The following GNPDA2 variants were observed in gnomAD, a reference collection of about 807,000 sequenced individuals.
The protein encoded by GNPDA2 is glcN6P deaminase 2.
A neutral mutation model predicts 27.0 loss-of-function variants in GNPDA2; 24 were observed. The ratio of observed to expected loss-of-function variants is 0.89; its 90% CI spans 0.64 to 1.25. The LOEUF (loss-of-function observed/expected upper bound fraction) is 1.25. GNPDA2 is among the 50% of genes most tolerant of loss of function. The pLI, the probability that GNPDA2 is intolerant of heterozygous loss-of-function variation, is 0.00. For synonymous variants in GNPDA2, 94 were observed against 108.4 expected (o/e 0.87, Z 0.83); for missense variants, 286 against 335.1 (o/e 0.85, Z 1.14).
chr4:44,718,311 A>G lies in GNPDA2; in HGVS notation c.224T>C (p.Val75Ala). 8.7e-7 allele frequency: 1 copy of G among 1,149,372 alleles called. No individual in the cohort carries two copies. Among genetic ancestry groups the G allele is most frequent in the South Asian group, 1.5e-5 (1 of 68,542 alleles). The allele number at this position is 1,149,372 out of a possible 1,614,324, so 71.2% of individuals were successfully genotyped here. A position where few individuals can be genotyped will look rare whatever the true frequency, so the allele number is the denominator to read the frequency against. Reference sequence around the variant, plus strand: ...CAATATATTTAAGTATAGCTTACCTACATATTCATCCATATTAAAGGTCTT... The same window carrying G: ...CAATATATTTAAGTATAGCTTACCTGCATATTCATCCATATTAAAGGTCTT... ...YVKTFNMDEY[V>A]GLPRNHPESY... is the part of the protein sequence containing the mutation. The change falls in exon 3 of 7, where the codon GTA (valine) becomes GCA (alanine). Residue 75 changes from valine to alanine, a missense_variant and splice_region_variant. Physicochemically the swap from Val to Ala is moderately conservative, Grantham distance 64. Coordinates refer to ENST00000295448, the MANE Select transcript of GNPDA2 (RefSeq NM_138335.3).
intron 6 of GNPDA2, chr4:44,707,472 T>C: frequency 2.3e-6 from 1 of 427,622 alleles, no homozygotes; most frequent in Non-Finnish European, 4.1e-6. Flanking sequence ...TTTGGTCTTG[T>C]ATATTCAATA....
chr4:44,705,152 A>C (rs959139827), intron 6 of GNPDA2: 2 of 984,776 alleles, frequency 2.0e-6, no homozygotes, highest in Non-Finnish European at 2.4e-6. Flanking sequence ...GACAGAAGAA[A>C]GGGTAGTGAT....
chr4:44,719,492 G>A (rs1242694968), intron 2 of GNPDA2, among the ~76,000 whole-genome samples: 3 of 151,946 alleles, frequency 2.0e-5, no homozygotes, highest in Non-Finnish European at 4.4e-5. Context: ...TTTTCTAAAA[G>A]CTAAGCACAT....
intron 4 of GNPDA2, among the ~76,000 whole-genome samples, chr4:44,715,163 T>C (rs1717208651): frequency 6.6e-6 from 1 of 152,140 alleles, no homozygotes; most frequent in Non-Finnish European, 1.5e-5. Flanking sequence ...TTTAAAGTTA[T>C]AAGGAAAGAG....
intron 4 of GNPDA2, among the ~76,000 whole-genome samples, chr4:44,716,850 A>C (rs964919158): frequency 6.6e-6 from 1 of 151,904 alleles, no homozygotes; most frequent in African/African-American, 2.4e-5. Flanking sequence ...TAAAGAGGTA[A>C]TTAACAGAGT....
chr4:44,714,609 G>A, intron 4 of GNPDA2: 1 of 983,712 alleles, frequency 1.0e-6, no homozygotes, highest in African/African-American at 1.7e-5. Flanking sequence ...TAATAAAGCT[G>A]ATATTTTGAT....
In GNPDA2 at chr4:44,711,117, T is replaced by C; in HGVS notation, c.430A>G (p.Ile144Val). ...FVGGIGPDGH[I>V]AFNEPGSSLV... ...CTGGATCCAGGCTCATTGAAAGCGA[T>C]ATGACCATCTGGACCAATTCCTTTC... Residue 144 changes from isoleucine (I) to valine (V), a missense_variant, in exon 5 of 7, where the codon ATC becomes GTC. Physicochemically the swap from Ile to Val is conservative, Grantham distance 29 (BLOSUM62 3). Transcript: ENST00000295448. The C allele has an allele frequency of 6.2e-7, 1 of 1,602,896 alleles. No homozygotes were observed. Among genetic ancestry groups the C allele is most frequent in the Non-Finnish European group, 8.5e-7 (1 of 1,175,818 alleles).
At chr4:44,704,601 T>C in intron 6 of GNPDA2, 1 of 780,210 alleles carries the variant, frequency 1.3e-6, no homozygotes, top group Non-Finnish European at 1.6e-6. Context: ...AAGTCAAATA[T>C]TTACTGTGAC....
intron 2 of GNPDA2, among the ~76,000 whole-genome samples, chr4:44,719,260 G>A (rs767348058): frequency 1.3e-5 from 2 of 151,752 alleles, no homozygotes; most frequent in Non-Finnish European, 2.9e-5. Context: ...TTGGAGTACT[G>A]ATTCCTAGCT....
intron 2 of GNPDA2, among the ~76,000 whole-genome samples, chr4:44,720,632 G>A (rs1471585979): frequency 6.6e-6 from 1 of 152,104 alleles, no homozygotes; most frequent in Non-Finnish European, 1.5e-5. Context: ...TAATTACAAT[G>A]CAGCCTGGTA....
chr4:44,725,047 T>C (rs1370358926), intron 1 of GNPDA2, among the ~76,000 whole-genome samples: 1 of 152,042 alleles, frequency 6.6e-6, no homozygotes, highest in Admixed American at 6.6e-5. Flanking sequence ...AAAAATAAGG[T>C]AAGGAGGACG....
At chr4:44,723,606 C>T (rs1560365491) in intron 1 of GNPDA2, among the ~76,000 whole-genome samples, 1 of 152,130 alleles carries the variant, frequency 6.6e-6, no homozygotes, top group East Asian at 1.9e-4. Context: ...ATATATACCA[C>T]ATTTTCTTTA....
chr4:44,722,917 A>G (rs1717770672), intron 1 of GNPDA2, among the ~76,000 whole-genome samples: 1 of 152,208 alleles, frequency 6.6e-6, no homozygotes, highest in Non-Finnish European at 1.5e-5. Context: ...AGTAAGCAAC[A>G]AGGTCAGAAT....
rs1716714335 is a variant in GNPDA2, at chr4:44,707,943, A to G, written c.595-17T>C. ...GATCATTACCTGAAAAATTATGAAC[A>G]TCAATTGTTAAAACTTGTTCCAAAT... On this transcript the variant is annotated splice_polypyrimidine_tract_variant and intron_variant, in intron 5 of 6. Transcript: ENST00000295448. 6.5e-7 allele frequency: 1 copy of G among 1,534,592 alleles called. No homozygotes were observed. Among genetic ancestry groups the G allele is most frequent in the Non-Finnish European group, 8.8e-7 (1 of 1,131,346 alleles).
At chr4:44,721,156 C>A (rs1243529921) in intron 2 of GNPDA2, among the ~76,000 whole-genome samples, 1 of 151,934 alleles carries the variant, frequency 6.6e-6, no homozygotes, top group African/African-American at 2.4e-5. Flanking sequence ...GTACCATTCA[C>A]GGAAATTACT....
Position 44,701,928 on chromosome 4 carries a change from T to C in GNPDA2, c.*1153A>G, listed in dbSNP as rs1459735844. 1 of 984,118 alleles carries C rather than the reference T, an allele frequency of 1.0e-6. No individual in the cohort carries two copies. Among genetic ancestry groups the C allele is most frequent in the East Asian group, 1.1e-4 (1 of 8,758 alleles). The allele number at this position is 984,118 out of a possible 1,614,324, so 61.0% of individuals were successfully genotyped here. On this transcript the variant is annotated 3_prime_UTR_variant, in exon 7 of 7. Transcript: ENST00000295448. ...TTTAAGAAACTACATTTTAATCACA[T>C]AGACAAGCAGATAAGTAAGGCTTCT...
rs114798709 is a variant in GNPDA2 at position 44,724,190 on chromosome 4, G to T, written c.-35-1948C>A. ...CAGACGCAGGTGTTTTCTCTTTTAG[G>T]AAGTCAGCACAAATTGGCCTTAGAT... On this transcript the variant is annotated intron_variant, in intron 1 of 6. Transcript: ENST00000295448. 1.5e-3 allele frequency among the ~76,000 whole-genome samples: 229 copies of T among 152,016 alleles called. 1 individual carries two copies. The highest frequency in any genetic ancestry group is 5.3e-3 in the African/African-American group (218 of 41,476).
Position 44,702,345 on chromosome 4 carries a change from T to C in GNPDA2, c.*736A>G. 1.2e-6 allele frequency: 1 copy of C among 830,758 alleles called. No individual in the cohort carries two copies. The highest frequency in any genetic ancestry group is 1.5e-6 in the Non-Finnish European group (1 of 688,816). The allele number at this position is 830,758 out of a possible 1,614,324, so 51.5% of individuals were successfully genotyped here. A position where few individuals can be genotyped will look rare whatever the true frequency, so the allele number is the denominator to read the frequency against. ...ATCAGAAAATATTCTCCAAAAGAAT[T>C]TCCTGAAGTGGCTTGCTAGGTATAA... On this transcript the variant is annotated 3_prime_UTR_variant, in exon 7 of 7. Coordinates refer to ENST00000295448, the MANE Select transcript of GNPDA2 (RefSeq NM_138335.3).
At chr4:44,709,712 C>A (rs1313178995) in intron 5 of GNPDA2, among the ~76,000 whole-genome samples, 1 of 151,126 alleles carries the variant, frequency 6.6e-6, no homozygotes, top group Non-Finnish European at 1.5e-5. Context: ...CCTCCACCAT[C>A]CCTTCTTGGT....
Sources: gnomAD v4.1 joint callset for allele counts (sites outside exome capture counted in the v4.1 genomes callset) on GRCh38, gnomAD v4.1.1 for gene constraint, MANE v1.5 for transcripts, NCBI Gene and HGNC (gene_info 2026-07-23, HGNC 2026-07-21) for gene names.